NINJ2: variants seen among roughly 807,000 people sequenced by gnomAD.
NINJ2 encodes the protein ninjurin 2.
A neutral mutation model predicts 11.7 loss-of-function variants in NINJ2; 12 were observed. That is an observed-to-expected ratio of 1.02 (90% CI 0.66 to 1.66). NINJ2 has a LOEUF of 1.66. Among genes scored for constraint, NINJ2 ranks in the 40% most tolerant of loss-of-function variants. The pLI is 0.00. For missense variants in NINJ2, 187 were observed against 181.8 expected (o/e 1.03, Z -0.16); for synonymous variants, 93 against 76.8 (o/e 1.21, Z -1.10).
intron 1 of NINJ2, among the ~76,000 whole-genome samples, chr12:651,778 C>T (rs563695900): frequency 2.0e-5 from 3 of 152,176 alleles, no homozygotes; most frequent in Non-Finnish European, 4.4e-5. Flanking sequence ...AAAGAAACGC[C>T]AGAGGTCAAA....
At chr12:659,984 G>C (rs1320815498) in intron 1 of NINJ2, among the ~76,000 whole-genome samples, 2 of 152,084 alleles carry the variant, frequency 1.3e-5, no homozygotes, top group African/African-American at 4.8e-5. Flanking sequence ...CTCATCCTAA[G>C]CAATAAAAAT....
chr12:621,812 T>C (rs1209443031), intron 1 of NINJ2, among the ~76,000 whole-genome samples: 11 of 86,942 alleles, frequency 1.3e-4, no homozygotes, highest in African/African-American at 4.7e-4. Flanking sequence ...TGAGACTCCG[T>C]CTCAGAAAAA....
chr12:588,527 A>C (rs979172534), intron 1 of NINJ2, among the ~76,000 whole-genome samples: 2 of 152,232 alleles, frequency 1.3e-5, no homozygotes, highest in Non-Finnish European at 2.9e-5. Flanking sequence ...TGGGATAAGT[A>C]CTGTCCTTAT....
intron 1 of NINJ2, among the ~76,000 whole-genome samples, chr12:653,528 A>G (rs551669252): frequency 1.3e-5 from 2 of 152,336 alleles, no homozygotes; most frequent in South Asian, 2.1e-4. Flanking sequence ...CACACGATCC[A>G]TGAAATGGTA....
intron 1 of NINJ2, among the ~76,000 whole-genome samples, chr12:612,084 T>G (rs1314047156): frequency 6.6e-6 from 1 of 152,126 alleles, no homozygotes; most frequent in Non-Finnish European, 1.5e-5. Flanking sequence ...ATGTGGAGAT[T>G]GTGGTGAGCA....
chr12:564,585 G>GTCC lies in NINJ2; in HGVS notation c.*114_*115insGGA, dbSNP rs1947265000. The stretch of plus-strand genomic sequence containing the variant: ...GTGCTGTGGGTAGGGAGCAAGGGCA[G>GTCC]CTATACTGTCCTTTCAGAAGCTCTC... On this transcript the variant is annotated 3_prime_UTR_variant, in exon 4 of 4. Coordinates refer to ENST00000305108, the MANE Select transcript of NINJ2 (RefSeq NM_016533.6). 3 of 152,288 alleles carry GTCC rather than the reference G, an allele frequency of 2.0e-5. No individual in the cohort carries two copies. The highest frequency in any genetic ancestry group is 7.2e-5 in the African/African-American group (3 of 41,476). 9.4% of individuals were successfully genotyped at this position (152,288 alleles called of 1,614,324 possible). A position where few individuals can be genotyped will look rare whatever the true frequency, so the allele number is the denominator to read the frequency against.
Position 640,567 on chromosome 12 carries a change from C to T in NINJ2, c.33+22761G>A, listed in dbSNP as rs1948405772. ...TGAGACTGAGTCTTGCCCTGTCACC[C>T]AGGCTGGAGTGTAGTGGTGTGATAT... On this transcript the variant is annotated intron_variant, in intron 1 of 3. Coordinates refer to ENST00000305108, the MANE Select transcript of NINJ2 (RefSeq NM_016533.6). This position sits in a 1 kb window ranked among gnomAD's most constrained non-coding sequence, Gnocchi z 4.0. Among the ~76,000 whole-genome samples, 1 of 152,130 alleles carries T rather than the reference C, an allele frequency of 6.6e-6. No homozygotes were observed. Among genetic ancestry groups the T allele is most frequent in the South Asian group, 2.1e-4 (1 of 4,826 alleles).
Position 623,098 on chromosome 12 carries a change from G to A in NINJ2, c.33+40230C>T, listed in dbSNP as rs372942849. ...AGCAAAAGACAGCATGCACTCAGGT[G>A]GAATATTGCAAAGGTAGACATCAGC... On this transcript the variant is annotated intron_variant, in intron 1 of 3. Coordinates refer to ENST00000305108, the MANE Select transcript of NINJ2 (RefSeq NM_016533.6). Among the ~76,000 whole-genome samples, 94 of 152,288 alleles carry A rather than the reference G, an allele frequency of 6.2e-4. 1 individual carries two copies. Among genetic ancestry groups the A allele is most frequent in the African/African-American group, 2.2e-3 (90 of 41,554 alleles).
intron 1 of NINJ2, among the ~76,000 whole-genome samples, chr12:613,765 C>T (rs1437387295): frequency 1.3e-5 from 2 of 151,842 alleles, no homozygotes; most frequent in Non-Finnish European, 2.9e-5. Context: ...ATTAGCCGGG[C>T]GTGGTGGCGG....
intron 1 of NINJ2, among the ~76,000 whole-genome samples, chr12:568,881 C>A (rs970748266): frequency 1.5e-4 from 18 of 117,358 alleles, no homozygotes; most frequent in Non-Finnish European, 3.4e-5. Context: ...AGGACACCCC[C>A]CCCCCCCCGC....
intron 1 of NINJ2, among the ~76,000 whole-genome samples, chr12:620,728 G>C (rs1948144287): frequency 6.6e-6 from 1 of 152,096 alleles, no homozygotes; most frequent in African/African-American, 2.4e-5. Context: ...CTCCTGGGTT[G>C]GAGTAATTCT....
At chr12:570,159 TG>T (rs567811611) in intron 1 of NINJ2, among the ~76,000 whole-genome samples, 1 of 151,904 alleles carries the variant, frequency 6.6e-6, no homozygotes, top group Non-Finnish European at 1.5e-5. Context: ...CAGCGTGGGG[TG>T]GGGGGACCCA....
At chr12:583,896 G>A (rs1273736657) in intron 1 of NINJ2, among the ~76,000 whole-genome samples, 3 of 152,126 alleles carry the variant, frequency 2.0e-5, no homozygotes, top group African/African-American at 4.8e-5. Context: ...AACAGTGATA[G>A]CATTAACCTA....
At chr12:619,282 G>A (rs1948127839) in intron 1 of NINJ2, among the ~76,000 whole-genome samples, 1 of 152,190 alleles carries the variant, frequency 6.6e-6, no homozygotes, top group Non-Finnish European at 1.5e-5. Flanking sequence ...GTGCTTGCTG[G>A]CAATATAAGA....
At chr12:568,007 CAAAACA>C (rs1018488104) in intron 1 of NINJ2, among the ~76,000 whole-genome samples, 3 of 152,010 alleles carry the variant, frequency 2.0e-5, no homozygotes, top group Non-Finnish European at 4.4e-5. Flanking sequence ...ACTCTTGTCT[CAAAACA>C]AAAACAAAAA....
chr12:565,496 C>T lies in NINJ2; in HGVS notation c.263-95G>A, dbSNP rs1300542118. 5 of 1,270,554 alleles carry T rather than the reference C, an allele frequency of 3.9e-6. No homozygotes were observed. The East Asian group carries it at 9.3e-5, about 24-fold the overall frequency. 78.7% of individuals were successfully genotyped at this position (1,270,554 alleles called of 1,614,324 possible). A position where few individuals can be genotyped will look rare whatever the true frequency, so the allele number is the denominator to read the frequency against. On this transcript the variant is annotated intron_variant, in intron 2 of 3. Transcript: ENST00000305108. ...CCACCAGAGTTTGGAGAGAGGGGCC[C>T]TTCAGAAACCCATGTGGCAGAAATC...
intron 1 of NINJ2, among the ~76,000 whole-genome samples, chr12:611,488 C>A (rs1463845510): frequency 3.3e-5 from 5 of 152,172 alleles, no homozygotes; most frequent in African/African-American, 1.2e-4. Flanking sequence ...CAAGGGCACA[C>A]CACCACACCC....
chr12:651,321 A>G (rs1239956556), intron 1 of NINJ2, among the ~76,000 whole-genome samples: 1 of 152,210 alleles, frequency 6.6e-6, no homozygotes, highest in East Asian at 1.9e-4. Context: ...ATTAGAGCCC[A>G]GGTGACCTGG....
chr12:657,430 A>G lies in NINJ2; in HGVS notation c.33+5898T>C, dbSNP rs145486996. Among the ~76,000 whole-genome samples, 1,108 of 152,278 alleles carry G rather than the reference A, an allele frequency of 7.3e-3. 12 individuals are homozygous for G. The highest frequency in any genetic ancestry group is 0.012 in the Non-Finnish European group (806 of 68,028). On this transcript the variant is annotated intron_variant, in intron 1 of 3. Coordinates refer to ENST00000305108, the MANE Select transcript of NINJ2 (RefSeq NM_016533.6). ...TAGTGAAACCCCGCCTCTATTAAAA[A>G]TACAAAAATTAGCCGGGGCATGGTG...
Sources: allele counts gnomAD v4.1 joint callset (sites outside exome capture counted in the v4.1 genomes callset), GRCh38; gene constraint gnomAD v4.1.1; non-coding constraint Gnocchi (gnomAD v3.1); transcripts MANE v1.5; gene names NCBI Gene and HGNC (gene_info 2026-07-23, HGNC 2026-07-21).